The following BSN variants were observed in gnomAD, a reference collection of about 807,000 sequenced individuals.
BSN encodes protein bassoon.
A neutral mutation model predicts 264.8 loss-of-function variants in BSN; 57 were observed. The ratio of observed to expected loss-of-function variants is 0.22; its 90% CI spans 0.17 to 0.27. BSN has a LOEUF of 0.27. Ranked by LOEUF, BSN falls within the 10% of genes least tolerant of loss-of-function variation. BSN has a pLI of 1.00. For synonymous variants in BSN, 2,059 were observed against 2,137.3 expected (o/e 0.96, Z 1.01); for missense variants, 4,615 against 5,232.5 (o/e 0.88, Z 3.64).
At chr3:49,606,280 A>ATATATATT (rs796382035) in intron 1 of BSN, among the ~76,000 whole-genome samples, 422 of 8,258 alleles carry the variant, frequency 0.051, 20 homozygotes, top group East Asian at 0.35. Context: ...ATATATTAAA[A>ATATATATT]ATATATATTA....
At chr3:49,567,134 T>C (rs2051758550) in intron 1 of BSN, among the ~76,000 whole-genome samples, 1 of 152,168 alleles carries the variant, frequency 6.6e-6, no homozygotes, top group South Asian at 2.1e-4. Flanking sequence ...TAAATAATAA[T>C]GTAGATATTT....
At chr3:49,598,291 G>A (rs577453313) in intron 1 of BSN, among the ~76,000 whole-genome samples, 12 of 152,292 alleles carry the variant, frequency 7.9e-5, no homozygotes, top group African/African-American at 2.9e-4. Flanking sequence ...GTTTGATATT[G>A]TTGCTGTTGT....
intron 1 of BSN, among the ~76,000 whole-genome samples, chr3:49,574,941 G>A (rs2051831306): frequency 6.6e-6 from 1 of 151,994 alleles, no homozygotes; most frequent in Admixed American, 6.6e-5. Context: ...CCCAGCTGGT[G>A]TCCCTTTTTT....
In BSN at chr3:49,663,209, A is replaced by C. The variant is rs2052679594; in HGVS notation, c.11051A>C (p.Gln3684Pro). 6.2e-7 allele frequency: 1 copy of C among 1,614,036 alleles called. No homozygotes were observed. Among genetic ancestry groups the C allele is most frequent in the Non-Finnish European group, 8.5e-7 (1 of 1,180,002 alleles). ...LGRHEARPHSQPSSAPAMPKK... is the reference protein window; with the variant it reads ...LGRHEARPHSPPSSAPAMPKK... ...CGCCATGAGGCCCGGCCCCACTCTCAGCCCAGCTCTGCTCCAGCTATGCCG... is the reference window on the plus strand; with the variant it reads ...CGCCATGAGGCCCGGCCCCACTCTCCGCCCAGCTCTGCTCCAGCTATGCCG... The change falls in exon 7 of 12, where the codon CAG becomes CCG. Residue 3684 changes from glutamine (Q) to proline (P), a missense_variant. Coordinates refer to ENST00000296452, the MANE Select transcript of BSN (RefSeq NM_003458.4).
chr3:49,652,719 G>A lies in BSN; in HGVS notation c.3163G>A (p.Glu1055Lys). Reference protein sequence around the residue: ...ELREEEELLREQEKMREVEQQ... With the variant: ...ELREEEELLRKQEKMREVEQQ... ...GCGGGAGGAAGAGGAGCTGCTTCGT[G>A]AGCAAGAGAAGATGCGGGAGGTGGA... Residue 1055 changes from glutamate to lysine, a missense_variant, in exon 5 of 12, where the codon GAG becomes AAG. By Grantham distance (56) the Glu-to-Lys change is moderately conservative. Coordinates refer to ENST00000296452, the MANE Select transcript of BSN (RefSeq NM_003458.4). 6.4e-7 allele frequency: 1 copy of A among 1,567,168 alleles called. No homozygotes were observed. The highest frequency in any genetic ancestry group is 1.2e-5 in the South Asian group (1 of 83,152).
chr3:49,606,468 A>G (rs2052153402), intron 1 of BSN, among the ~76,000 whole-genome samples: 1 of 149,416 alleles, frequency 6.7e-6, no homozygotes, highest in Admixed American at 6.9e-5. Context: ...GGACTTACCT[A>G]TTTGTCTTCT....
At chr3:49,583,178 A>G (rs1030048302) in intron 1 of BSN, among the ~76,000 whole-genome samples, 3 of 152,016 alleles carry the variant, frequency 2.0e-5, no homozygotes, top group Non-Finnish European at 4.4e-5. Flanking sequence ...TATATTGGCC[A>G]GGCTGGTCTC....
downstream of BSN, among the ~76,000 whole-genome samples, chr3:49,671,810 CCT>C (rs2052770420): frequency 6.6e-6 from 1 of 152,166 alleles, no homozygotes; most frequent in African/African-American, 2.4e-5. This position sits in a 1 kb window ranked among gnomAD's most constrained non-coding sequence, Gnocchi z 4.1. Flanking sequence ...ACCTCCATGG[CCT>C]TCAGGTGTGT....
chr3:49,655,400 G>A lies in BSN; in HGVS notation c.5844G>A (p.Glu1948=), dbSNP rs138243476. The A allele has an allele frequency of 4.1e-3, 6,504 of 1,572,616 alleles. 29 individuals are homozygous for A. The highest frequency in any genetic ancestry group is 5.5e-3 in the Admixed American group (311 of 56,456). The change falls in exon 5 of 12, where the codon GAG becomes GAA. Residue 1948 remains glutamate (E), a synonymous_variant. Coordinates refer to ENST00000296452, the MANE Select transcript of BSN (RefSeq NM_003458.4). The part of the protein sequence containing the change: ...SSPFYGPRDP[E]PPEPPTYRAQ... ...CCTTCTATGGTCCCCGGGACCCTGA[G>A]CCTCCTGAGCCCCCAACCTACCGGG... is the stretch of plus-strand genomic sequence containing the variant.
intron 3 of BSN, among the ~76,000 whole-genome samples, chr3:49,647,063 A>C (rs2052507459): frequency 6.6e-6 from 1 of 152,208 alleles, no homozygotes; most frequent in Non-Finnish European, 1.5e-5. Context: ...GAGGGTGTTT[A>C]GGGCCAGGCA....
intron 1 of BSN, among the ~76,000 whole-genome samples, chr3:49,586,236 T>C (rs2051936314): frequency 6.6e-6 from 1 of 152,158 alleles, no homozygotes; most frequent in Non-Finnish European, 1.5e-5. Context: ...TATATTTAAG[T>C]CCTTAATCCA....
intron 1 of BSN, among the ~76,000 whole-genome samples, chr3:49,600,399 A>G (rs997149058): frequency 6.6e-6 from 1 of 152,182 alleles, no homozygotes; most frequent in Non-Finnish European, 1.5e-5. Flanking sequence ...ATTTCCGTAC[A>G]TGAGGTTGAG....
chr3:49,648,034 C>A (rs2052513306), intron 3 of BSN, among the ~76,000 whole-genome samples: 1 of 152,260 alleles, frequency 6.6e-6, no homozygotes, highest in African/African-American at 2.4e-5. Flanking sequence ...CTGGCTGTCT[C>A]CATGAATAAA....
intron 1 of BSN, among the ~76,000 whole-genome samples, chr3:49,621,740 C>A (rs962160141): frequency 6.6e-6 from 1 of 151,974 alleles, no homozygotes; most frequent in East Asian, 1.9e-4. Context: ...ATTTTAGAGA[C>A]AGAGTCTTGC....
intron 1 of BSN, among the ~76,000 whole-genome samples, chr3:49,623,822 A>G (rs1215810103): frequency 6.6e-6 from 1 of 152,200 alleles, no homozygotes; most frequent in Non-Finnish European, 1.5e-5. Flanking sequence ...GAAGGGGTTC[A>G]AGGCAGGATA....
At position 49,625,834 on chromosome 3, in the gene BSN, G is replaced by C. The variant is rs2052338352; in HGVS notation, c.633+451G>C. ...CCCTAGATGGGGATGCTGGTGAGGG[G>C]AGAAAAGTTTCAGGGGAGGCAGGAA... On this transcript the variant is annotated intron_variant, in intron 2 of 11. Transcript: ENST00000296452. This position sits in a 1 kb window ranked among gnomAD's most constrained non-coding sequence, Gnocchi z 4.4. 6.6e-6 allele frequency among the ~76,000 whole-genome samples: 1 copy of C among 152,228 alleles called. No individual in the cohort carries two copies. Among genetic ancestry groups the C allele is most frequent in the South Asian group, 2.1e-4 (1 of 4,830 alleles).
chr3:49,606,866 A>G (rs2052156952), intron 1 of BSN, among the ~76,000 whole-genome samples: 1 of 152,184 alleles, frequency 6.6e-6, no homozygotes, highest in East Asian at 1.9e-4. Context: ...CTGTAATCCC[A>G]GCACTTTGGG....
chr3:49,581,636 C>G lies in BSN; in HGVS notation c.224+26810C>G, dbSNP rs528567113. Among the ~76,000 whole-genome samples, 12 of 151,638 alleles carry G rather than the reference C, an allele frequency of 7.9e-5. No homozygotes were observed. In the South Asian group the frequency reaches 2.5e-3, roughly 32 times the overall value. ...GTCAGGAGATCGAGACCATCCTGGC[C>G]AACATGGTGAAACCCTGTCTCTACT... On this transcript the variant is annotated intron_variant, in intron 1 of 11. Coordinates refer to ENST00000296452, the MANE Select transcript of BSN (RefSeq NM_003458.4).
In BSN at chr3:49,569,849, A is replaced by G. The variant is rs183968839; in HGVS notation, c.224+15023A>G. ...CCTGTTCAGTAAACTTCATGAAGCC[A>G]GGTGGAGGGTGTTGGCCTTCAGCTG... On this transcript the variant is annotated intron_variant, in intron 1 of 11. Transcript: ENST00000296452. 2.0e-5 allele frequency among the ~76,000 whole-genome samples: 3 copies of G among 152,256 alleles called. 1 individual carries two copies. Among genetic ancestry groups the G allele is most frequent in the Admixed American group, 2.0e-4 (3 of 15,284 alleles).
Sources: allele counts gnomAD v4.1 joint callset (sites outside exome capture counted in the v4.1 genomes callset), GRCh38; gene constraint gnomAD v4.1.1; non-coding constraint Gnocchi (gnomAD v3.1); transcripts MANE v1.5; gene names NCBI Gene and HGNC (gene_info 2026-07-23, HGNC 2026-07-21).